Variants in LRRTM4 observed in about 807,000 individuals in gnomAD.
LRRTM4 encodes the protein leucine-rich repeat transmembrane neuronal protein 4.
A neutral mutation model predicts 47.6 loss-of-function variants in LRRTM4; 25 were observed. The ratio of observed to expected loss-of-function variants is 0.53; its 90% confidence interval spans 0.38 to 0.73. The LOEUF (loss-of-function observed/expected upper bound fraction) is 0.73. Among genes scored for constraint, LRRTM4 ranks in the 30% least tolerant of loss-of-function variants. LRRTM4 has a pLI of 0.00. For missense variants in LRRTM4, 638 were observed against 713.4 expected, an observed-to-expected ratio of 0.89 and a Z score of 1.20; for synonymous variants, 311 against 269.5, an observed-to-expected ratio of 1.15 and a Z score of -1.51.
intron 3 of LRRTM4, among the ~76,000 whole-genome samples, chr2:76,781,712 C>T (rs113328499): frequency 0.023 from 3,321 of 146,738 alleles, 116 homozygotes; most frequent in African/African-American, 0.068. Flanking sequence ...ATCACCCGTC[C>T]TCTGCGTCGC....
intron 3 of LRRTM4, among the ~76,000 whole-genome samples, chr2:77,134,734 C>A (rs924354300): frequency 6.6e-6 from 1 of 152,106 alleles, no homozygotes; most frequent in African/African-American, 2.4e-5. Flanking sequence ...CTTACTGGAA[C>A]AGAACCTGGA....
intron 3 of LRRTM4, among the ~76,000 whole-genome samples, chr2:77,471,480 C>T (rs1254704957): frequency 6.6e-6 from 1 of 152,110 alleles, no homozygotes; most frequent in East Asian, 1.9e-4. Flanking sequence ...TGTCACTCAT[C>T]TTCTCACACC....
At chr2:77,031,244 T>C (rs1409747945) in intron 3 of LRRTM4, among the ~76,000 whole-genome samples, 2 of 152,202 alleles carry the variant, frequency 1.3e-5, no homozygotes, top group East Asian at 3.8e-4. Context: ...TGTAGCTAAG[T>C]GTACTATGCA....
intron 3 of LRRTM4, among the ~76,000 whole-genome samples, chr2:76,779,854 T>C (rs1399983858): frequency 3.3e-5 from 5 of 152,132 alleles, no homozygotes; most frequent in African/African-American, 1.2e-4. Context: ...TTCTTCCTAG[T>C]CTTGATGGTC....
intron 3 of LRRTM4, among the ~76,000 whole-genome samples, chr2:77,490,249 C>CA (rs71381281): frequency 0.21 from 30,865 of 149,304 alleles, 3,555 homozygotes; most frequent in Middle Eastern, 0.3. Context: ...GACTCTGTCT[C>CA]AAAAAAAACA....
At chr2:77,191,916 C>T (rs1673680330) in intron 3 of LRRTM4, among the ~76,000 whole-genome samples, 1 of 151,804 alleles carries the variant, frequency 6.6e-6, no homozygotes, top group Admixed American at 6.6e-5. Flanking sequence ...CTTTACAGGA[C>T]AAGGATAATA....
intron 3 of LRRTM4, among the ~76,000 whole-genome samples, chr2:77,257,793 G>A (rs1043826579): frequency 6.6e-6 from 1 of 151,568 alleles, no homozygotes. Context: ...ACATTTTACT[G>A]AAGAGAACAC....
At chr2:77,516,118 C>G (rs556167427) in intron 3 of LRRTM4, among the ~76,000 whole-genome samples, 3 of 151,634 alleles carry the variant, frequency 2.0e-5, no homozygotes, top group South Asian at 4.1e-4. Context: ...GTTTGAGCTA[C>G]TTTAGTAAGG....
intron 3 of LRRTM4, among the ~76,000 whole-genome samples, chr2:77,459,955 T>C (rs1427325948): frequency 6.7e-6 from 1 of 150,130 alleles, no homozygotes; most frequent in Non-Finnish European, 1.5e-5. Flanking sequence ...CTTATTACAA[T>C]GCCATTTCAT....
intron 3 of LRRTM4, among the ~76,000 whole-genome samples, chr2:77,433,189 G>A (rs537184541): frequency 1.3e-5 from 2 of 152,252 alleles, no homozygotes; most frequent in South Asian, 2.1e-4. Context: ...CCAAGCCTTC[G>A]TACTGTACCA....
At chr2:76,815,734 A>G (rs987096200) in intron 3 of LRRTM4, among the ~76,000 whole-genome samples, 5 of 152,078 alleles carry the variant, frequency 3.3e-5, no homozygotes, top group African/African-American at 1.2e-4. Context: ...GCAGAGAAAA[A>G]CTGATTTTGC....
At chr2:76,850,714 T>C (rs1671967560) in intron 3 of LRRTM4, among the ~76,000 whole-genome samples, 1 of 152,186 alleles carries the variant, frequency 6.6e-6, no homozygotes, top group African/African-American at 2.4e-5. Context: ...CTGATATGTA[T>C]GTGTGTGTAT....
intron 3 of LRRTM4, among the ~76,000 whole-genome samples, chr2:77,292,447 C>T (rs1282837891): frequency 6.6e-6 from 1 of 151,858 alleles, no homozygotes; most frequent in African/African-American, 2.4e-5. Flanking sequence ...GGAACCAACC[C>T]AAATGTCCAA....
rs549901533 is a variant in LRRTM4, at chr2:76,891,974, C to T, written c.1552-143058G>A. ...AATAATTTCTCTAATATATAACAAACTAAAATATGAGATTAGCAAATTAAA... is the reference window on the plus strand; with the variant it reads ...AATAATTTCTCTAATATATAACAAATTAAAATATGAGATTAGCAAATTAAA... On this transcript the variant is annotated intron_variant, in intron 3 of 3. Coordinates refer to ENST00000409884, the MANE Select transcript of LRRTM4 (RefSeq NM_001134745.3). Among the ~76,000 whole-genome samples, 57 of 151,098 alleles carry T rather than the reference C, an allele frequency of 3.8e-4. 1 individual carries two copies. The South Asian group carries it at 6.9e-3, about 18-fold the overall frequency.
intron 3 of LRRTM4, among the ~76,000 whole-genome samples, chr2:76,935,198 C>G (rs1002762631): frequency 6.6e-5 from 10 of 152,028 alleles, no homozygotes; most frequent in African/African-American, 2.4e-4. Context: ...AGTAATGGGA[C>G]ACATATTCTT....
intron 3 of LRRTM4, among the ~76,000 whole-genome samples, chr2:77,221,177 G>A (rs1213750861): frequency 6.6e-6 from 1 of 152,130 alleles, no homozygotes; most frequent in Non-Finnish European, 1.5e-5. Flanking sequence ...TCACCACCAG[G>A]CCTGCCCTAA....
intron 3 of LRRTM4, among the ~76,000 whole-genome samples, chr2:77,364,201 C>T (rs1277505204): frequency 1.3e-5 from 2 of 152,064 alleles, no homozygotes; most frequent in African/African-American, 2.4e-5. Flanking sequence ...CATCAGCACA[C>T]CTGCCACATC....
chr2:76,751,800 C>T (rs1259289482), intron 3 of LRRTM4, among the ~76,000 whole-genome samples: 1 of 152,072 alleles, frequency 6.6e-6, no homozygotes, highest in Non-Finnish European at 1.5e-5. Flanking sequence ...TGTAAGAAGA[C>T]ACTTTGTGCT....
intron 3 of LRRTM4, among the ~76,000 whole-genome samples, chr2:76,805,383 C>T (rs975862768): frequency 6.6e-6 from 1 of 152,070 alleles, no homozygotes; most frequent in Non-Finnish European, 1.5e-5. Flanking sequence ...GAAAAAACTA[C>T]TTAAATAAAC....
Sources: gnomAD v4.1 joint callset for allele counts (sites outside exome capture counted in the v4.1 genomes callset) on GRCh38, gnomAD v4.1.1 for gene constraint, MANE v1.5 for transcripts, NCBI Gene and HGNC (gene_info 2026-07-23, HGNC 2026-07-21) for gene names.